Variants in CRB1 observed in about 807,000 individuals in gnomAD.
CRB1 encodes protein crumbs homolog 1.
In CRB1, 83 loss-of-function variants were observed where a neutral mutation model predicts 120.0. The ratio of observed to expected loss-of-function variants is 0.69; its 90% confidence interval spans 0.58 to 0.83. The LOEUF (loss-of-function observed/expected upper bound fraction) is 0.83. CRB1 is among the 40% of genes least tolerant of loss of function. CRB1 has a pLI of 0.00. For missense variants in CRB1, 1,699 were observed against 1,687.6 expected (o/e 1.01, Z -0.12); for synonymous variants, 625 against 612.5 (o/e 1.02, Z -0.30).
At position 197,457,060 on chromosome 1, in the gene CRB1, G is replaced by A. The variant is rs114616296; in HGVS notation, c.4005+14768G>A. On this transcript the variant is annotated intron_variant, in intron 11 of 11. Transcript: ENST00000367400. ...AAGAATATGTTGCTCATTGTTCTTC[G>A]ACCCTAAAACCCTCATTTCATTCTC... 6.1e-3 allele frequency among the ~76,000 whole-genome samples: 928 copies of A among 152,036 alleles called. 3 individuals carry two copies. Among genetic ancestry groups the A allele is most frequent in the African/African-American group, 0.021 (891 of 41,484 alleles).
At chr1:197,452,246 T>C (rs1571593391) in intron 11 of CRB1, among the ~76,000 whole-genome samples, 1 of 152,304 alleles carries the variant, frequency 6.6e-6, no homozygotes, top group South Asian at 2.1e-4. Flanking sequence ...GCCAGAGAGA[T>C]TGTGAATGAG....
chr1:197,422,007 G>A, intron 6 of CRB1, 51 bp downstream of exon 6: 1 of 1,557,894 alleles, frequency 6.4e-7, no homozygotes, highest in Admixed American at 1.7e-5. Context: ...TCAGAGCAGA[G>A]CAGAAACAGC....
intron 5 of CRB1, among the ~76,000 whole-genome samples, chr1:197,404,441 C>CAAAAA (rs558125777): frequency 1.0e-4 from 6 of 58,718 alleles, no homozygotes; most frequent in African/African-American, 2.9e-4. Flanking sequence ...GACTCCGTCT[C>CAAAAA]AAAAAAAAAA....
intron 1 of CRB1, among the ~76,000 whole-genome samples, chr1:197,286,981 A>G (rs1449645053): frequency 6.6e-6 from 1 of 151,942 alleles, no homozygotes; most frequent in Non-Finnish European, 1.5e-5. Context: ...AAAAAAGTTC[A>G]TAACAGAAGT....
intron 4 of CRB1, among the ~76,000 whole-genome samples, chr1:197,353,352 A>C (rs1660216711): frequency 1.3e-5 from 2 of 152,186 alleles, no homozygotes; most frequent in South Asian, 4.1e-4. Flanking sequence ...ATTCCTTTCT[A>C]TGTGAAAGGG....
chr1:197,262,349 C>A, the CRB1 span, among the ~76,000 whole-genome samples: 1 of 152,036 alleles, frequency 6.6e-6, no homozygotes. Flanking sequence ...CTATTTTTGT[C>A]TATAAATCTT....
intron 1 of CRB1, among the ~76,000 whole-genome samples, chr1:197,311,901 T>G (rs1245042017): frequency 6.6e-6 from 1 of 152,206 alleles, no homozygotes; most frequent in Admixed American, 6.5e-5. Flanking sequence ...ATATGCTGGA[T>G]TCTTTTGCTC....
chr1:197,363,599 G>C (rs989494427), intron 5 of CRB1, among the ~76,000 whole-genome samples: 5 of 152,130 alleles, frequency 3.3e-5, no homozygotes, highest in Non-Finnish European at 7.4e-5. Context: ...GCAGGGTTTG[G>C]GGGAAGGAAG....
Position 197,435,426 on chromosome 1 carries a change from A to G in CRB1, c.3563A>G (p.His1188Arg), listed in dbSNP as rs1665105838. 1 of 1,598,508 alleles carries G rather than the reference A, an allele frequency of 6.3e-7. No homozygotes were observed. Among genetic ancestry groups the G allele is most frequent in the South Asian group, 1.1e-5 (1 of 88,166 alleles). Residue 1188 changes from histidine to arginine, a missense_variant, in exon 9 of 12, where the codon CAT becomes CGT. His to Arg is a conservative substitution (Grantham distance 29, BLOSUM62 0). Coordinates refer to ENST00000367400, the MANE Select transcript of CRB1 (RefSeq NM_201253.3). ...IDECFSNPCI[H>R]GNCSDRVAAY... is the part of the protein sequence containing the mutation. ...GAATGCTTTTCAAACCCCTGTATCC[A>G]TGGCAACTGCTCTGACAGAGTTGCA...
the CRB1 span, among the ~76,000 whole-genome samples, chr1:197,226,878 T>A: frequency 5.3e-5 from 8 of 152,162 alleles, no homozygotes; most frequent in Non-Finnish European, 1.2e-4. Flanking sequence ...AATGAGGTGA[T>A]GCAAGAGCAG....
the CRB1 span, among the ~76,000 whole-genome samples, chr1:197,231,246 C>T: frequency 4.6e-5 from 7 of 152,278 alleles, no homozygotes; most frequent in Non-Finnish European, 1.0e-4. Flanking sequence ...TTTATAATCT[C>T]ATAAAATTAT....
At chr1:197,220,181 G>A in the CRB1 span, among the ~76,000 whole-genome samples, 1 of 151,388 alleles carries the variant, frequency 6.6e-6, no homozygotes, top group Non-Finnish European at 1.5e-5. Flanking sequence ...AAAATTGATT[G>A]CAAAAAAGAA....
intron 6 of CRB1, among the ~76,000 whole-genome samples, chr1:197,426,044 A>C (rs1284737470): frequency 6.6e-6 from 1 of 151,472 alleles, no homozygotes; most frequent in Non-Finnish European, 1.5e-5. Context: ...CCAAAAAGGC[A>C]TCTCAAATTT....
chr1:197,243,321 A>G, the CRB1 span, among the ~76,000 whole-genome samples: 1,899 of 152,306 alleles, frequency 0.012, 44 homozygotes, highest in African/African-American at 0.043. Context: ...ATTTAATGCT[A>G]TAAATTTCCC....
intron 5 of CRB1, among the ~76,000 whole-genome samples, chr1:197,399,265 C>A (rs1175567139): frequency 6.6e-6 from 1 of 152,128 alleles, no homozygotes; most frequent in Non-Finnish European, 1.5e-5. Flanking sequence ...TACTTTAATG[C>A]AACTGTTGAT....
chr1:197,430,756 G>T (rs1664832589), intron 8 of CRB1, among the ~76,000 whole-genome samples: 1 of 152,008 alleles, frequency 6.6e-6, no homozygotes, highest in Non-Finnish European at 1.5e-5. Flanking sequence ...TTCATCATGA[G>T]AATATAAGCT....
chr1:197,281,152 G>T (rs988481346), intron 1 of CRB1, among the ~76,000 whole-genome samples: 1 of 151,878 alleles, frequency 6.6e-6, no homozygotes, highest in East Asian at 1.9e-4. Flanking sequence ...GATTCTTAAA[G>T]TGTGGCAAAG....
chr1:197,252,580 A>ATGTGTGTGTGTGTGTG, the CRB1 span, among the ~76,000 whole-genome samples: 1 of 22,324 alleles, frequency 4.5e-5, no homozygotes, highest in Non-Finnish European at 1.0e-4. Flanking sequence ...ATATATATAT[A>ATGTGTGTGTGTGTGTG]TATGTGTGTG....
At chr1:197,446,747 T>C (rs1293672418) in intron 11 of CRB1, among the ~76,000 whole-genome samples, 1 of 152,164 alleles carries the variant, frequency 6.6e-6, no homozygotes, top group Non-Finnish European at 1.5e-5. Context: ...ATTTTAAAAG[T>C]TTGAAGCATG....
Sources: allele counts gnomAD v4.1 joint callset (sites outside exome capture counted in the v4.1 genomes callset), GRCh38; gene constraint gnomAD v4.1.1; transcripts MANE v1.5; gene names NCBI Gene and HGNC (gene_info 2026-07-23, HGNC 2026-07-21).